The following GABRG3 variants were observed in gnomAD, a reference collection of about 807,000 sequenced individuals.
GABRG3 encodes gamma-aminobutyric acid type A receptor subunit gamma3.
GABRG3 carries 25 observed loss-of-function variants against 48.8 expected under a neutral mutation model. That is an observed-to-expected ratio of 0.51 (90% CI 0.37 to 0.72). GABRG3 has a LOEUF of 0.72. Ranked by LOEUF, GABRG3 falls within the 30% of genes least tolerant of loss-of-function variation. The pLI, the probability that GABRG3 is intolerant of heterozygous loss-of-function variation, is 0.00. For synonymous variants in GABRG3, 227 were observed against 217.6 expected, an observed-to-expected ratio of 1.04 and a Z score of -0.38; for missense variants, 394 against 577.9, an observed-to-expected ratio of 0.68 and a Z score of 3.26.
intron 5 of GABRG3, among the ~76,000 whole-genome samples, chr15:27,369,463 TA>T: frequency 6.6e-6 from 1 of 152,276 alleles, no homozygotes. Context: ...CCATGCTGCC[TA>T]AAAACTGGAA....
chr15:27,420,832 T>G (rs1197690705), intron 5 of GABRG3: 2 of 152,104 alleles, frequency 1.3e-5, no homozygotes, highest in African/African-American at 4.8e-5. Context: ...AAAAGTTTAG[T>G]TAAAAAATAA....
intron 5 of GABRG3, among the ~76,000 whole-genome samples, chr15:27,475,895 G>C (rs1889927437): frequency 6.6e-6 from 1 of 152,106 alleles, no homozygotes; most frequent in African/African-American, 2.4e-5. Context: ...TAGTGATGTG[G>C]TGGTGGTGAC....
At chr15:27,132,480 T>G (rs1463462289) in intron 3 of GABRG3, among the ~76,000 whole-genome samples, 4 of 145,826 alleles carry the variant, frequency 2.7e-5, no homozygotes, top group East Asian at 4.0e-4. Context: ...AGTTTTTTTT[T>G]TTTTTTTTTT....
chr15:27,344,269 G>C (rs1335602315), intron 5 of GABRG3, among the ~76,000 whole-genome samples: 2 of 152,232 alleles, frequency 1.3e-5, no homozygotes, highest in African/African-American at 2.4e-5. Context: ...CCAAGGCCCA[G>C]GCCTGGTTTA....
At chr15:27,310,294 A>T (rs1341515044) in intron 3 of GABRG3, among the ~76,000 whole-genome samples, 2 of 152,158 alleles carry the variant, frequency 1.3e-5, no homozygotes, top group Non-Finnish European at 2.9e-5. Context: ...ATGTGTCTAA[A>T]ATTTATGGAA....
At chr15:27,052,585 A>T (rs974266644) in intron 3 of GABRG3, among the ~76,000 whole-genome samples, 2 of 152,208 alleles carry the variant, frequency 1.3e-5, no homozygotes, top group African/African-American at 4.8e-5. Flanking sequence ...AAACACACGA[A>T]ATCTAGTATC....
intron 2 of GABRG3, among the ~76,000 whole-genome samples, chr15:27,003,126 C>T (rs188343457): frequency 8.3e-4 from 123 of 148,852 alleles, no homozygotes; most frequent in African/African-American, 2.6e-3. Flanking sequence ...AGCCTTATAT[C>T]GTTGGTATTC....
chr15:27,403,925 A>C (rs1887551389), intron 5 of GABRG3, among the ~76,000 whole-genome samples: 2 of 129,286 alleles, frequency 1.5e-5, no homozygotes, highest in African/African-American at 3.7e-5. Context: ...AAAAAAAAAA[A>C]AAACAAAAAA....
At chr15:26,997,057 C>CCACAAACATGCTGG (rs1202157989) in intron 2 of GABRG3, among the ~76,000 whole-genome samples, 4 of 152,176 alleles carry the variant, frequency 2.6e-5, no homozygotes, top group Non-Finnish European at 5.9e-5. Flanking sequence ...ATTGATTTAT[C>CCACAAACATGCTGG]CACAAGTTTG....
chr15:27,315,393 A>G (rs1245378405), intron 3 of GABRG3, among the ~76,000 whole-genome samples: 1 of 152,236 alleles, frequency 6.6e-6, no homozygotes, highest in African/African-American at 2.4e-5. Context: ...CACATTAAAT[A>G]CAGAACTACA....
At chr15:27,205,166 C>A (rs1368527725) in intron 3 of GABRG3, among the ~76,000 whole-genome samples, 2 of 152,034 alleles carry the variant, frequency 1.3e-5, no homozygotes, top group African/African-American at 4.8e-5. Flanking sequence ...AGCTTTTACC[C>A]ATTCGATGTG....
chr15:27,123,289 G>A (rs1897762631), intron 3 of GABRG3, among the ~76,000 whole-genome samples: 1 of 152,140 alleles, frequency 6.6e-6, no homozygotes, highest in Non-Finnish European at 1.5e-5. Flanking sequence ...CTGTGTCCCT[G>A]CAAAATTAGT....
At chr15:27,089,901 A>G (rs1039626728) in intron 3 of GABRG3, among the ~76,000 whole-genome samples, 3 of 152,208 alleles carry the variant, frequency 2.0e-5, no homozygotes, top group African/African-American at 7.2e-5. Flanking sequence ...TGGCTTAATA[A>G]TATTCCACTA....
At chr15:27,400,835 G>C (rs2140586733) in intron 5 of GABRG3, among the ~76,000 whole-genome samples, 1 of 152,232 alleles carries the variant, frequency 6.6e-6, no homozygotes, top group East Asian at 1.9e-4. Context: ...ATTAGTGTAG[G>C]GACGTGTGTC....
chr15:27,406,134 T>C (rs371189832), intron 5 of GABRG3, among the ~76,000 whole-genome samples: 40 of 152,160 alleles, frequency 2.6e-4, no homozygotes, highest in African/African-American at 9.2e-4. Flanking sequence ...TCAAAAAAAT[T>C]GATAATTAAA....
chr15:27,511,050 G>A (rs1265835982), intron 6 of GABRG3, among the ~76,000 whole-genome samples: 2 of 152,022 alleles, frequency 1.3e-5, no homozygotes, highest in African/African-American at 2.4e-5. Flanking sequence ...TTCCTCTCTG[G>A]AAACAATAGA....
intron 5 of GABRG3, among the ~76,000 whole-genome samples, chr15:27,463,874 C>T (rs184623108): frequency 4.6e-5 from 7 of 152,190 alleles, no homozygotes; most frequent in Admixed American, 3.9e-4. Flanking sequence ...TCGCTCTTCT[C>T]TCAGGGAGTG....
intron 3 of GABRG3, among the ~76,000 whole-genome samples, chr15:27,148,986 G>A (rs991827895): frequency 9.2e-5 from 14 of 152,028 alleles, no homozygotes; most frequent in Admixed American, 2.6e-4. Flanking sequence ...TTTATTGGAG[G>A]TTCTACCTAG....
chr15:27,344,067 G>C (rs1423317553), intron 5 of GABRG3, among the ~76,000 whole-genome samples: 1 of 152,222 alleles, frequency 6.6e-6, no homozygotes, highest in Non-Finnish European at 1.5e-5. Flanking sequence ...AGGACATTCA[G>C]CTCATGTGGA....
Sources: allele counts gnomAD v4.1 joint callset (sites outside exome capture counted in the v4.1 genomes callset), GRCh38; gene constraint gnomAD v4.1.1; transcripts MANE v1.5; gene names NCBI Gene and HGNC (gene_info 2026-07-23, HGNC 2026-07-21).